The following KIF5C variants were observed in gnomAD, a reference collection of about 807,000 sequenced individuals.
KIF5C encodes the protein kinesin family member 5C.
KIF5C carries 18 observed loss-of-function variants against 125.2 expected under a neutral mutation model. That is an observed-to-expected ratio of 0.14 (90% confidence interval 0.10 to 0.21). The LOEUF (loss-of-function observed/expected upper bound fraction) is 0.21. Ranked by LOEUF, KIF5C falls within the 10% of genes least tolerant of loss-of-function variation. The probability of loss-of-function intolerance (pLI) is 1.00; values close to 1 mark genes in which losing one functional copy is unlikely to be tolerated. For synonymous variants in KIF5C, 405 were observed against 434.0 expected (o/e 0.93, Z 0.83); for missense variants, 780 against 1,183.8 (o/e 0.66, Z 5.01).
intron 1 of KIF5C, among the ~76,000 whole-genome samples, chr2:148,892,962 T>A (rs1681748207): frequency 6.6e-6 from 1 of 152,266 alleles, no homozygotes; most frequent in African/African-American, 2.4e-5. Flanking sequence ...TGTAGACTTT[T>A]ACTTTCTTTT....
intron 15 of KIF5C, among the ~76,000 whole-genome samples, chr2:148,987,663 G>A (rs539251558): frequency 6.6e-6 from 1 of 152,132 alleles, no homozygotes; most frequent in South Asian, 2.1e-4. Flanking sequence ...GGCCACGAGG[G>A]GGTCTGTTCA....
At chr2:148,944,171 A>G (rs1332214001) in intron 7 of KIF5C, among the ~76,000 whole-genome samples, 1 of 152,210 alleles carries the variant, frequency 6.6e-6, no homozygotes, top group African/African-American at 2.4e-5. Flanking sequence ...GCAATAAAAT[A>G]TACTTAATAT....
At chr2:149,006,101 C>CTGCTG (rs1326827359) in intron 22 of KIF5C, among the ~76,000 whole-genome samples, 2 of 152,202 alleles carry the variant, frequency 1.3e-5, no homozygotes, top group African/African-American at 4.8e-5. Context: ...TCTGGAGACA[C>CTGCTG]TCCATAATGG....
chr2:148,922,055 C>G (rs1444994025), intron 1 of KIF5C, 82 bp from the exon 2 acceptor site: 7 of 866,226 alleles, frequency 8.1e-6, no homozygotes, highest in Non-Finnish European at 1.3e-5. Flanking sequence ...TATGGCCTAG[C>G]TACTAATGTT....
At chr2:148,882,567 A>G (rs1312873713) in intron 1 of KIF5C, among the ~76,000 whole-genome samples, 1 of 152,122 alleles carries the variant, frequency 6.6e-6, no homozygotes, top group East Asian at 1.9e-4. Context: ...TTCCCCCTCA[A>G]GAAGATTAGG....
intron 1 of KIF5C, among the ~76,000 whole-genome samples, chr2:148,920,269 T>C (rs1681730764): frequency 6.6e-6 from 1 of 152,224 alleles, no homozygotes; most frequent in African/African-American, 2.4e-5. Context: ...CAAAGCTACA[T>C]TTTTGTTCCA....
intron 19 of KIF5C, 133 bp from the exon 20 acceptor site, chr2:149,000,290 C>A: frequency 9.1e-7 from 1 of 1,100,348 alleles, no homozygotes; most frequent in Admixed American, 2.9e-5. Flanking sequence ...GTTCTGTGAT[C>A]CCTCCAAATC....
At chr2:148,885,719 G>T (rs2105040341) in intron 1 of KIF5C, 1 of 152,290 alleles carries the variant, frequency 6.6e-6, no homozygotes, top group African/African-American at 2.4e-5. Context: ...AACTTTTGAA[G>T]GGAGATGGAG....
At chr2:148,980,717 T>A (rs1409607808) in intron 13 of KIF5C, among the ~76,000 whole-genome samples, 2 of 138,352 alleles carry the variant, frequency 1.4e-5, no homozygotes, top group Admixed American at 7.5e-5. Flanking sequence ...TTTATTTATT[T>A]ATTATTTAGA....
At chr2:149,005,737 G>A (rs768706125) in intron 22 of KIF5C, among the ~76,000 whole-genome samples, 20 of 152,184 alleles carry the variant, frequency 1.3e-4, no homozygotes, top group Non-Finnish European at 2.5e-4. Context: ...GGCCCCCACT[G>A]TGTGAGGGCA....
chr2:148,928,778 C>G (rs987693849), intron 2 of KIF5C, among the ~76,000 whole-genome samples: 1 of 152,164 alleles, frequency 6.6e-6, no homozygotes, highest in Admixed American at 6.5e-5. Flanking sequence ...TTTCCTCCCC[C>G]ACCTCTGGAC....
chr2:148,942,104 C>A, intron 6 of KIF5C, 114 bp downstream of exon 6: 2 of 1,178,980 alleles, frequency 1.7e-6, no homozygotes, highest in African/African-American at 1.6e-5. Flanking sequence ...GGCATTTATT[C>A]AGGCTCCTTA....
Position 149,016,861 on chromosome 2 carries a change from C to T in KIF5C, c.*7+5178C>T, listed in dbSNP as rs544062806. On this transcript the variant is annotated intron_variant, in intron 25 of 25. Coordinates refer to ENST00000435030, the MANE Select transcript of KIF5C (RefSeq NM_004522.3). ...CACAGCAGAGAGGGGAGCTGAGGGG[C>T]GAGTTGGACCAGGCCCAGGCACTGG... 1.1e-4 allele frequency among the ~76,000 whole-genome samples: 17 copies of T among 152,028 alleles called. No homozygotes were observed. In the Middle Eastern group the frequency reaches 0.01, roughly 91 times the overall value.
chr2:148,915,422 G>T (rs1681506014), intron 1 of KIF5C, among the ~76,000 whole-genome samples: 1 of 152,210 alleles, frequency 6.6e-6, no homozygotes, highest in Non-Finnish European at 1.5e-5. Context: ...TCCCTGGGTG[G>T]ATGTGGCCCC....
At position 149,000,753 on chromosome 2, in the gene KIF5C, G is replaced by C; in HGVS notation, c.2344G>C (p.Glu782Gln). The C allele has an allele frequency of 6.2e-7, 1 of 1,613,992 alleles. No homozygotes were observed. The highest frequency in any genetic ancestry group is 8.5e-7 in the Non-Finnish European group (1 of 1,179,878). Residue 782 changes from glutamate (E) to glutamine (Q), a missense_variant, in exon 21 of 26, where the codon GAA becomes CAA. Transcript: ENST00000435030. ...LLNDKREQAR[E>Q]DLKGLEETVS... Reference sequence around the variant, plus strand: ...CAACGATAAAAGGGAACAAGCCAGAGAAGACCTCAAAGGGCTGGAGGAGAC... The same window carrying C: ...CAACGATAAAAGGGAACAAGCCAGACAAGACCTCAAAGGGCTGGAGGAGAC...
At chr2:149,015,274 G>A (rs1682328290) in intron 25 of KIF5C, among the ~76,000 whole-genome samples, 1 of 152,172 alleles carries the variant, frequency 6.6e-6, no homozygotes, top group African/African-American at 2.4e-5. Flanking sequence ...GATTAAAAAG[G>A]GGTAGTAATC....
intron 1 of KIF5C, chr2:148,879,950 AG>A (rs1681300794): frequency 6.6e-6 from 1 of 152,218 alleles, no homozygotes; most frequent in Admixed American, 6.5e-5. Context: ...ATTTCTTGGC[AG>A]TAGATGGATG....
intron 10 of KIF5C, among the ~76,000 whole-genome samples, chr2:148,955,266 A>G (rs1574784587): frequency 1.3e-5 from 2 of 152,240 alleles, no homozygotes; most frequent in East Asian, 1.9e-4. Context: ...TGGCTAGGCC[A>G]TAGTGCCCAG....
chr2:148,947,224 G>A (rs1682539173), intron 8 of KIF5C: 2 of 748,858 alleles, frequency 2.7e-6, no homozygotes, highest in Admixed American at 3.5e-5. Context: ...GGTGTCACAG[G>A]CAGGTGCTTT....
Sources: allele counts gnomAD v4.1 joint callset (sites outside exome capture counted in the v4.1 genomes callset), GRCh38; gene constraint gnomAD v4.1.1; transcripts MANE v1.5; gene names NCBI Gene and HGNC (gene_info 2026-07-23, HGNC 2026-07-21).